Variants in ABCC1 observed in about 807,000 individuals in gnomAD.
The protein encoded by ABCC1 is multidrug resistance-associated protein 1.
In ABCC1, 83 loss-of-function variants were observed where a neutral mutation model predicts 172.9. The ratio of observed to expected loss-of-function variants is 0.48; its 90% CI spans 0.40 to 0.58. The LOEUF is 0.58. ABCC1 is among the 20% of genes least tolerant of loss of function. The probability of loss-of-function intolerance (pLI) is 0.00; values close to 1 mark genes in which losing one functional copy is unlikely to be tolerated. For missense variants in ABCC1, 1,817 were observed against 2,002.7 expected, an observed-to-expected ratio of 0.91 and a Z score of 1.77; for synonymous variants, 937 against 825.2, an observed-to-expected ratio of 1.14 and a Z score of -2.32.
chr16:16,052,387 C>G (rs1018133479), intron 10 of ABCC1, among the ~76,000 whole-genome samples: 1 of 151,868 alleles, frequency 6.6e-6, no homozygotes, highest in Non-Finnish European at 1.5e-5. Context: ...ATGCAAATAG[C>G]CACTGTACTG....
In ABCC1 at chr16:16,120,260, T is replaced by C. The variant is rs550860119; in HGVS notation, c.3391-1715T>C. ...AACCCTTTGTTAGTTTTCCCAGCTC[T>C]CCTGTCGATAAGCAATTGTAGGCAC... On this transcript the variant is annotated intron_variant, in intron 23 of 30. Coordinates refer to ENST00000399410, the MANE Select transcript of ABCC1 (RefSeq NM_004996.4). 2.6e-5 allele frequency among the ~76,000 whole-genome samples: 4 copies of C among 152,264 alleles called. No individual in the cohort carries two copies. In the South Asian group the frequency reaches 6.2e-4, roughly 24 times the overall value.
intron 20 of ABCC1, chr16:16,105,380 A>C (rs73504209): frequency 0.043 from 6,479 of 152,336 alleles, 476 homozygotes; most frequent in African/African-American, 0.15. Context: ...CACTCCCTGA[A>C]AACTCACTCT....
At chr16:16,073,464 T>G (rs78749383) in intron 14 of ABCC1, among the ~76,000 whole-genome samples, 2,892 of 152,198 alleles carry the variant, frequency 0.019, 94 homozygotes, top group African/African-American at 0.065. Flanking sequence ...ATTTTACAGA[T>G]GAAAAAGTGA....
intron 1 of ABCC1, among the ~76,000 whole-genome samples, chr16:16,003,615 G>C (rs2047402453): frequency 6.8e-6 from 1 of 147,676 alleles, no homozygotes; most frequent in Non-Finnish European, 1.5e-5. Context: ...TGGGTAGGTG[G>C]ATGTATAAAT....
At position 16,134,244 on chromosome 16, in the gene ABCC1, A is replaced by G. The variant is rs2152147538; in HGVS notation, c.3967-106A>G. 1.4e-5 allele frequency: 20 copies of G among 1,434,212 alleles called. No individual in the cohort carries two copies. In the South Asian group the frequency reaches 2.5e-4, roughly 18 times the overall value. The allele number at this position is 1,434,212 out of a possible 1,614,324, so 88.8% of individuals were successfully genotyped here. ...GGGAGAGGGCTGTCGAGTTGGGTTG[A>G]CCAGATGACTGATGCCTGAGGTGGG... On this transcript the variant is annotated intron_variant, in intron 27 of 30. Coordinates refer to ENST00000399410, the MANE Select transcript of ABCC1 (RefSeq NM_004996.4).
At position 16,111,533 on chromosome 16, in the gene ABCC1, GCA is replaced by G. The variant is rs1488390604; in HGVS notation, c.3034_3035del (p.Thr1012GlufsTer53). On this transcript the variant is annotated frameshift_variant, in exon 22 of 31. Coordinates refer to ENST00000399410, the MANE Select transcript of ABCC1 (RefSeq NM_004996.4). LOFTEE classifies it high-confidence loss of function. The stretch of plus-strand genomic sequence containing the variant: ...ACCCCATCGTCAACGGGACTCAGGA[GCA>G]CACGAAAGTCCGGCTGAGCGTCTAT... ...DDPIVNGTQE[H>X]TKVRLSVYGA... is the part of the protein sequence containing the mutation. 2 of 1,614,130 alleles carry G rather than the reference GCA, an allele frequency of 1.2e-6. No homozygotes were observed. Among genetic ancestry groups the G allele is most frequent in the Non-Finnish European group, 1.7e-6 (2 of 1,180,032 alleles).
chr16:16,073,263 A>G (rs980068677), intron 14 of ABCC1, among the ~76,000 whole-genome samples: 1 of 152,100 alleles, frequency 6.6e-6, no homozygotes, highest in African/African-American at 2.4e-5. Context: ...CAGCTGATCA[A>G]AAGAAGAACC....
intron 1 of ABCC1, among the ~76,000 whole-genome samples, chr16:15,971,812 G>A (rs1432011691): frequency 6.6e-6 from 1 of 152,120 alleles, no homozygotes; most frequent in Non-Finnish European, 1.5e-5. Flanking sequence ...GATGAGTGGG[G>A]GAACACCAGG....
intron 14 of ABCC1, among the ~76,000 whole-genome samples, chr16:16,075,789 G>A (rs2050536968): frequency 6.6e-6 from 1 of 152,222 alleles, no homozygotes; most frequent in Non-Finnish European, 1.5e-5. Context: ...GATGTGCTGT[G>A]TGTAGAGTGG....
intron 15 of ABCC1, 151 bp downstream of exon 15, chr16:16,076,552 G>A (rs1423678786): frequency 4.3e-6 from 3 of 698,440 alleles, no homozygotes; most frequent in African/African-American, 3.7e-5. Context: ...CTGGACAATG[G>A]GTGCAGATAC....
chr16:16,063,802 CAG>C (rs1178072033), intron 12 of ABCC1, among the ~76,000 whole-genome samples: 3 of 152,272 alleles, frequency 2.0e-5, no homozygotes, highest in South Asian at 2.1e-4. Context: ...CCCCTGTGAA[CAG>C]AGAGTCTTAC....
At chr16:16,009,968 T>C in intron 3 of ABCC1, 67 bp downstream of exon 3, 1 of 1,302,602 alleles carries the variant, frequency 7.7e-7, no homozygotes, top group Non-Finnish European at 1.0e-6. Context: ...AAGTAATAAC[T>C]CGTAAGACTA....
chr16:16,141,388 A>G lies in ABCC1; in HGVS notation c.*107A>G. On this transcript the variant is annotated 3_prime_UTR_variant, in exon 31 of 31. Coordinates refer to ENST00000399410, the MANE Select transcript of ABCC1 (RefSeq NM_004996.4). The stretch of plus-strand genomic sequence containing the variant: ...AAGCCTCCCACACTGAAACCAAAAC[A>G]TAAAAACCAAACCCAGACAACCAAA... 1.9e-6 allele frequency: 2 copies of G among 1,030,068 alleles called. No individual in the cohort carries two copies. The highest frequency in any genetic ancestry group is 1.4e-6 in the Non-Finnish European group (1 of 693,742). The allele number at this position is 1,030,068 out of a possible 1,614,324, so 63.8% of individuals were successfully genotyped here. A position where few individuals can be genotyped will look rare whatever the true frequency, so the allele number is the denominator to read the frequency against.
At chr16:16,116,027 C>T (rs1394441973) in intron 23 of ABCC1, among the ~76,000 whole-genome samples, 3 of 151,768 alleles carry the variant, frequency 2.0e-5, no homozygotes, top group Admixed American at 6.6e-5. Context: ...CTCAGCCTCC[C>T]GAGTAGCTGG....
At chr16:16,116,459 A>G (rs1222468875) in intron 23 of ABCC1, among the ~76,000 whole-genome samples, 1 of 152,200 alleles carries the variant, frequency 6.6e-6, no homozygotes, top group African/African-American at 2.4e-5. Flanking sequence ...AGTTTAATTT[A>G]TAAATTTGGC....
At chr16:15,967,818 G>A (rs1304766559) in intron 1 of ABCC1, among the ~76,000 whole-genome samples, 4 of 151,292 alleles carry the variant, frequency 2.6e-5, no homozygotes, top group Non-Finnish European at 5.9e-5. Context: ...TAGCATTTGT[G>A]TGAAGCCAGA....
chr16:16,037,334 T>C lies in ABCC1; in HGVS notation c.809+731T>C, dbSNP rs570130201. On this transcript the variant is annotated intron_variant, in intron 7 of 30. Transcript: ENST00000399410. ...GGGTGATTTTGGCTGTACTGGATTT[T>C]AGGCTCTACCCCCTATGTAAGGCGT... Among the ~76,000 whole-genome samples, 16 of 152,316 alleles carry C rather than the reference T, an allele frequency of 1.1e-4. No homozygotes were observed. The South Asian group carries it at 3.3e-3, about 32-fold the overall frequency.
chr16:15,958,525 T>C (rs2046055866), intron 1 of ABCC1, among the ~76,000 whole-genome samples: 1 of 152,226 alleles, frequency 6.6e-6, no homozygotes, highest in African/African-American at 2.4e-5. Flanking sequence ...AGGCCAACCT[T>C]GAAGTTAGCA....
intron 15 of ABCC1, among the ~76,000 whole-genome samples, chr16:16,077,929 G>A (rs2050644076): frequency 1.3e-5 from 2 of 152,062 alleles, no homozygotes; most frequent in Non-Finnish European, 2.9e-5. Context: ...AGGCTGAGGC[G>A]GGCAGATCAC....
Sources: allele counts gnomAD v4.1 joint callset (sites outside exome capture counted in the v4.1 genomes callset), GRCh38; gene constraint gnomAD v4.1.1; transcripts MANE v1.5; gene names NCBI Gene and HGNC (gene_info 2026-07-23, HGNC 2026-07-21).